Variants in VWC2 observed in about 807,000 individuals in gnomAD.
The protein encoded by VWC2 is brorin.
Under a neutral mutation model 29.8 loss-of-function variants are expected in VWC2, and 14 were observed. That is an observed-to-expected ratio of 0.47 (90% CI 0.31 to 0.74). The LOEUF (loss-of-function observed/expected upper bound fraction) is 0.74, where lower values mean the gene tolerates loss of function less well. Among genes scored for constraint, VWC2 ranks in the 30% least tolerant of loss-of-function variants. The pLI is 0.05. For synonymous variants in VWC2, 213 were observed against 199.0 expected, an observed-to-expected ratio of 1.07 and a Z score of -0.59; for missense variants, 457 against 459.8, an observed-to-expected ratio of 0.99 and a Z score of 0.05.
chr7:49,787,149 T>G (rs1788317313), intron 2 of VWC2, among the ~76,000 whole-genome samples: 1 of 152,196 alleles, frequency 6.6e-6, no homozygotes, highest in Non-Finnish European at 1.5e-5. Context: ...CTACCCTTCC[T>G]GTAATGAAGG....
At chr7:49,921,975 C>T (rs1042821392), downstream of VWC2, 2 of 152,108 alleles carry the variant, frequency 1.3e-5, no homozygotes, top group African/African-American at 4.8e-5. Flanking sequence ...GGTAGAGTCA[C>T]ATTTAAGATA....
At chr7:49,802,327 G>C (rs779345934) in intron 2 of VWC2, among the ~76,000 whole-genome samples, 12 of 150,972 alleles carry the variant, frequency 7.9e-5, no homozygotes, top group Non-Finnish European at 1.3e-4. Context: ...AGGTGTCTTC[G>C]CAGAAAGTTT....
intron 3 of VWC2, among the ~76,000 whole-genome samples, chr7:49,892,114 G>T (rs993908390): frequency 3.7e-4 from 50 of 134,242 alleles, no homozygotes; most frequent in African/African-American, 1.4e-3. Flanking sequence ...GCGCAATCTC[G>T]GCTCACTGCA....
At position 49,797,313 on chromosome 7, in the gene VWC2, A is replaced by C. The variant is rs565754203; in HGVS notation, c.697-5398A>C. Reference sequence around the variant, plus strand: ...TGAAACCATTACAATTACTTGGAAAATTGTTCTGGGGTTTTCATGCCTCCC... The same window carrying C: ...TGAAACCATTACAATTACTTGGAAACTTGTTCTGGGGTTTTCATGCCTCCC... On this transcript the variant is annotated intron_variant, in intron 2 of 3. Transcript: ENST00000340652. Among the ~76,000 whole-genome samples, 105 of 152,244 alleles carry C rather than the reference A, an allele frequency of 6.9e-4. 1 individual carries two copies. Among genetic ancestry groups the C allele is most frequent in the African/African-American group, 2.4e-3 (98 of 41,540 alleles).
intron 3 of VWC2, among the ~76,000 whole-genome samples, chr7:49,804,142 G>A (rs1213405632): frequency 6.6e-6 from 1 of 151,680 alleles, no homozygotes; most frequent in African/African-American, 2.4e-5. Context: ...AGAACGAGGG[G>A]GACTTTGAGC....
chr7:49,849,394 C>T (rs538180281), intron 3 of VWC2, among the ~76,000 whole-genome samples: 4 of 152,316 alleles, frequency 2.6e-5, no homozygotes, highest in Admixed American at 2.6e-4. Flanking sequence ...GTGTGTCCTG[C>T]CACTGCTCCT....
chr7:49,865,997 T>C (rs1790869052), intron 3 of VWC2, among the ~76,000 whole-genome samples: 1 of 152,242 alleles, frequency 6.6e-6, no homozygotes, highest in South Asian at 2.1e-4. Context: ...TTTACAGCCA[T>C]ACCTTGCTTT....
intron 3 of VWC2, among the ~76,000 whole-genome samples, chr7:49,910,524 G>A (rs1363570082): frequency 6.6e-6 from 1 of 152,106 alleles, no homozygotes; most frequent in Non-Finnish European, 1.5e-5. Flanking sequence ...GAATTTTGGA[G>A]GGAGGTATAG....
chr7:49,820,375 C>T (rs901073567), intron 3 of VWC2, among the ~76,000 whole-genome samples: 1 of 152,090 alleles, frequency 6.6e-6, no homozygotes, highest in Non-Finnish European at 1.5e-5. Context: ...CTCTGGCTCC[C>T]ATGAGTAATG....
rs1413975696 is a variant in VWC2, at chr7:49,919,004, G to A, written c.*6819G>A. The A allele has an allele frequency of 2.0e-5, 3 of 150,968 alleles. No individual in the cohort carries two copies. The highest frequency in any genetic ancestry group is 4.4e-5 in the Non-Finnish European group (3 of 67,982). The allele number at this position is 150,968 out of a possible 1,614,324, so 9.4% of individuals were successfully genotyped here. ...CGAGGGGGTGGAGGTTGCTTGAGCC[G>A]AGATCGCGTCACTGCACTCCAGCCT... On this transcript the variant is annotated 3_prime_UTR_variant, in exon 4 of 4. Transcript: ENST00000340652.
chr7:49,782,188 C>G (rs781632590), intron 2 of VWC2, among the ~76,000 whole-genome samples: 5 of 152,134 alleles, frequency 3.3e-5, no homozygotes, highest in Admixed American at 2.6e-4. Context: ...GCAGGGCTGC[C>G]CCTTTGGGAG....
chr7:49,853,418 G>C (rs537828405), intron 3 of VWC2, among the ~76,000 whole-genome samples: 37 of 152,270 alleles, frequency 2.4e-4, no homozygotes, highest in African/African-American at 8.2e-4. Flanking sequence ...TATCTGTTCT[G>C]TGCCAGGAGC....
intron 3 of VWC2, among the ~76,000 whole-genome samples, chr7:49,814,854 AGTCT>A (rs1335958752): frequency 2.6e-5 from 4 of 152,088 alleles, no homozygotes; most frequent in Non-Finnish European, 5.9e-5. Flanking sequence ...ACTCTCACTG[AGTCT>A]GTATAAATGT....
rs1788036053 is a variant in VWC2, at chr7:49,775,702, G to A, written c.267G>A (p.Pro89=). 9 of 1,524,386 alleles carry A rather than the reference G, an allele frequency of 5.9e-6. No individual in the cohort carries two copies. Among genetic ancestry groups the A allele is most frequent in the East Asian group, 2.5e-5 (1 of 39,352 alleles). 94.4% of individuals were successfully genotyped at this position (1,524,386 alleles called of 1,614,324 possible). ...GCCGTGGGCTCGCCGGCCGTGAGCC[G>A]TGGAGCAAGCTGAAGCAGGCCTGGG... is the stretch of plus-strand genomic sequence containing the variant. ...KSGRGLAGRE[P]WSKLKQAWVS... The change falls in exon 2 of 4, where the codon CCG becomes CCA. Residue 89 remains proline, a synonymous_variant. Coordinates refer to ENST00000340652, the MANE Select transcript of VWC2 (RefSeq NM_198570.5).
intron 3 of VWC2, among the ~76,000 whole-genome samples, chr7:49,836,641 T>G (rs544600139): frequency 1.8e-3 from 72 of 39,528 alleles, no homozygotes; most frequent in Admixed American, 8.1e-3. Context: ...TCCATCTCAA[T>G]AAATAAATAA....
chr7:49,868,057 C>T (rs887337258), intron 3 of VWC2, among the ~76,000 whole-genome samples: 3 of 152,102 alleles, frequency 2.0e-5, no homozygotes, highest in African/African-American at 7.2e-5. Context: ...TGGTCTCAAA[C>T]TCCCGACCTC....
At chr7:49,868,370 T>A (rs984966009) in intron 3 of VWC2, among the ~76,000 whole-genome samples, 1 of 152,250 alleles carries the variant, frequency 6.6e-6, no homozygotes, top group African/African-American at 2.4e-5. Context: ...GTTCATTTCC[T>A]TGATCATAAA....
rs554607178 is a variant in VWC2, at chr7:49,877,482, ATATATAT to A, written c.827-34551_827-34545del. Among the ~76,000 whole-genome samples the A allele has an allele frequency of 5.2e-3, 106 of 20,336 alleles. 9 individuals carry two copies. Among genetic ancestry groups the A allele is most frequent in the East Asian group, 0.018 (9 of 490 alleles). The allele number at this position is 20,336 out of a possible 152,430, so 13.3% of individuals were successfully genotyped here. A position where few individuals can be genotyped will look rare whatever the true frequency, so the allele number is the denominator to read the frequency against. ...TGTCTCAAAAAAAAAAAAAAAAAAAATATATATATATATATATATATATATATATATA... is the reference window on the plus strand; with the variant it reads ...TGTCTCAAAAAAAAAAAAAAAAAAAAATATATATATATATATATATATATA... On this transcript the variant is annotated intron_variant, in intron 3 of 3. Coordinates refer to ENST00000340652, the MANE Select transcript of VWC2 (RefSeq NM_198570.5).
chr7:49,790,255 A>G (rs779479586), intron 2 of VWC2, among the ~76,000 whole-genome samples: 5 of 152,228 alleles, frequency 3.3e-5, no homozygotes, highest in Non-Finnish European at 2.9e-5. Flanking sequence ...CTAAAGCCAT[A>G]AAGAAGGAAA....
Sources: gnomAD v4.1 joint callset for allele counts (sites outside exome capture counted in the v4.1 genomes callset) on GRCh38, gnomAD v4.1.1 for gene constraint, MANE v1.5 for transcripts, NCBI Gene and HGNC (gene_info 2026-07-23, HGNC 2026-07-21) for gene names.